Variants in ADAMTS2 observed in about 807,000 individuals in gnomAD.
ADAMTS2 encodes ADAM metallopeptidase with thrombospondin type 1 motif 2.
A neutral mutation model predicts 123.0 loss-of-function variants in ADAMTS2; 50 were observed. That is an observed-to-expected ratio of 0.41 (90% CI 0.32 to 0.51). The LOEUF is 0.51. Among genes scored for constraint, ADAMTS2 ranks in the 20% least tolerant of loss-of-function variants. ADAMTS2 has a pLI of 0.35. For missense variants in ADAMTS2, 1,494 were observed against 1,705.2 expected (o/e 0.88, Z 2.18); for synonymous variants, 678 against 695.4 (o/e 0.98, Z 0.39).
At chr5:179,213,242 T>C (rs1764902501) in intron 3 of ADAMTS2, among the ~76,000 whole-genome samples, 1 of 152,186 alleles carries the variant, frequency 6.6e-6, no homozygotes, top group Non-Finnish European at 1.5e-5. Context: ...GGGAGAACTT[T>C]CCTTATTTCA....
intron 2 of ADAMTS2, among the ~76,000 whole-genome samples, chr5:179,322,797 C>T (rs1009807445): frequency 2.0e-5 from 3 of 152,376 alleles, no homozygotes; most frequent in South Asian, 2.1e-4. Context: ...GCGGCTCCCT[C>T]ACTCGGGGCC....
Position 179,273,072 on chromosome 5 carries a change from A to G in ADAMTS2, c.535-8T>C, listed in dbSNP as rs1766591108. 6.2e-7 allele frequency: 1 copy of G among 1,613,520 alleles called. No individual in the cohort carries two copies. Among genetic ancestry groups the G allele is most frequent in the South Asian group, 1.1e-5 (1 of 91,080 alleles). On this transcript the variant is annotated splice_polypyrimidine_tract_variant and splice_region_variant and intron_variant, in intron 2 of 21. Coordinates refer to ENST00000251582, the MANE Select transcript of ADAMTS2 (RefSeq NM_014244.5). ...CATCCGGATCAGACCAGCCTGCGGG[A>G]CAAAGACAACAGGATCAGATTTCCA...
At chr5:179,121,578 G>C in intron 21 of ADAMTS2, 83 bp downstream of exon 21, 1 of 1,164,816 alleles carries the variant, frequency 8.6e-7, no homozygotes, top group Non-Finnish European at 1.2e-6. Context: ...CATAGACAGA[G>C]AGGAGGGGGG....
Position 179,228,830 on chromosome 5 carries a change from C to CGGT in ADAMTS2, c.689-21118_689-21116dup, listed in dbSNP as rs796165020. ...TCCACAACTCTGGAGCTAGGAAGCC[C>CGGT]GGTGCTCCTTCCCAGAGGAGGGAGC... is the stretch of plus-strand genomic sequence containing the variant. On this transcript the variant is annotated intron_variant, in intron 3 of 21. Coordinates refer to ENST00000251582, the MANE Select transcript of ADAMTS2 (RefSeq NM_014244.5). The surrounding 1 kb of genome is among the most constrained non-coding windows in gnomAD (Gnocchi z 5.2). 4.6e-5 allele frequency among the ~76,000 whole-genome samples: 7 copies of CGGT among 152,344 alleles called. No homozygotes were observed. The highest frequency in any genetic ancestry group is 1.7e-4 in the African/African-American group (7 of 41,576).
intron 2 of ADAMTS2, among the ~76,000 whole-genome samples, chr5:179,330,819 A>G (rs997682479): frequency 4.8e-5 from 7 of 146,096 alleles, no homozygotes; most frequent in Admixed American, 6.7e-5. Flanking sequence ...AAGCCGCCCT[A>G]TCTGAGGTGG....
intron 2 of ADAMTS2, among the ~76,000 whole-genome samples, chr5:179,301,779 G>A (rs1756525241): frequency 6.6e-6 from 1 of 152,282 alleles, no homozygotes. Flanking sequence ...AATGAGGGCA[G>A]GACCCCTGCA....
intron 4 of ADAMTS2, among the ~76,000 whole-genome samples, chr5:179,184,825 G>A (rs1283161044): frequency 6.6e-6 from 1 of 151,856 alleles, no homozygotes; most frequent in Non-Finnish European, 1.5e-5. Flanking sequence ...ATCAGAGCCA[G>A]CCCTCCTGCC....
chr5:179,251,650 A>T (rs978134807), intron 3 of ADAMTS2, among the ~76,000 whole-genome samples: 1 of 152,210 alleles, frequency 6.6e-6, no homozygotes, highest in Non-Finnish European at 1.5e-5. Context: ...AAAGTGAAAC[A>T]CTGTGTTATC....
At chr5:179,223,715 C>T (rs768337878) in intron 3 of ADAMTS2, among the ~76,000 whole-genome samples, 28 of 152,252 alleles carry the variant, frequency 1.8e-4, no homozygotes, top group Admixed American at 1.6e-3. Context: ...TGCACACAAA[C>T]GCACATGCAT....
At chr5:179,209,067 AG>A (rs1233172408) in intron 3 of ADAMTS2, among the ~76,000 whole-genome samples, 1 of 152,176 alleles carries the variant, frequency 6.6e-6, no homozygotes, top group Non-Finnish European at 1.5e-5. Flanking sequence ...AGGGTGGCCC[AG>A]GACAGGCCCT....
chr5:179,112,454 C>G lies in ADAMTS2; in HGVS notation c.*1413G>C, dbSNP rs1372222684. 1 of 152,208 alleles carries G rather than the reference C, an allele frequency of 6.6e-6. No homozygotes were observed. The highest frequency in any genetic ancestry group is 2.4e-5 in the African/African-American group (1 of 41,452). 9.4% of individuals were successfully genotyped at this position (152,208 alleles called of 1,614,324 possible). Reference sequence around the variant, plus strand: ...CCCCCTTCCTCCTATTTCTCTCTTACTCGCATGTTGCTCACAAAGCACCAT... The same window carrying G: ...CCCCCTTCCTCCTATTTCTCTCTTAGTCGCATGTTGCTCACAAAGCACCAT... On this transcript the variant is annotated 3_prime_UTR_variant, in exon 22 of 22. Coordinates refer to ENST00000251582, the MANE Select transcript of ADAMTS2 (RefSeq NM_014244.5).
chr5:179,344,762 CGG>C (rs1232349985), intron 1 of ADAMTS2, among the ~76,000 whole-genome samples: 1 of 152,220 alleles, frequency 6.6e-6, no homozygotes, highest in African/African-American at 2.4e-5. Context: ...CTCCGATCTC[CGG>C]GGATTCCCTG....
At position 179,197,677 on chromosome 5, in the gene ADAMTS2, A is replaced by G. The variant is rs1764456869; in HGVS notation, c.891+9836T>C. ...AGCTATGATTGCAGCACTACGCTCC[A>G]GCCTGGGTGACTGAGTGAGACCCTG... On this transcript the variant is annotated intron_variant, in intron 4 of 21. Transcript: ENST00000251582. This position sits in a 1 kb window ranked among gnomAD's most constrained non-coding sequence, Gnocchi z 4.2. Among the ~76,000 whole-genome samples the G allele has an allele frequency of 6.6e-6, 1 of 152,192 alleles. No individual in the cohort carries two copies. The highest frequency in any genetic ancestry group is 2.1e-4 in the South Asian group (1 of 4,816).
chr5:179,163,262 T>C (rs993317108), intron 5 of ADAMTS2, among the ~76,000 whole-genome samples: 1 of 152,208 alleles, frequency 6.6e-6, no homozygotes, highest in African/African-American at 2.4e-5. Context: ...GTCCATCTTG[T>C]GTTTTCCCAG....
Position 179,303,559 on chromosome 5 carries a change from G to A in ADAMTS2, c.535-30495C>T, listed in dbSNP as rs951154046. Among the ~76,000 whole-genome samples the A allele has an allele frequency of 4.6e-5, 7 of 152,364 alleles. No homozygotes were observed. Among genetic ancestry groups the A allele is most frequent in the South Asian group, 2.1e-4 (1 of 4,826 alleles). On this transcript the variant is annotated intron_variant, in intron 2 of 21. Coordinates refer to ENST00000251582, the MANE Select transcript of ADAMTS2 (RefSeq NM_014244.5). The surrounding 1 kb of genome is among the most constrained non-coding windows in gnomAD (Gnocchi z 4.7). ...CACTGGGTACAGACAGACAGAGCTC[G>A]AGACAAGCCCTGTTGTTGTAGCTCA...
chr5:179,276,303 C>T (rs919060529), intron 2 of ADAMTS2, among the ~76,000 whole-genome samples: 1 of 152,148 alleles, frequency 6.6e-6, no homozygotes, highest in African/African-American at 2.4e-5. Context: ...CACTGATGGT[C>T]CCGGTGCGTG....
intron 2 of ADAMTS2, 102 bp downstream of exon 2, chr5:179,343,665 C>T: frequency 6.8e-7 from 1 of 1,475,700 alleles, no homozygotes; most frequent in Non-Finnish European, 9.1e-7. Context: ...GCGGAAAGTC[C>T]TCAGCGCAGG....
chr5:179,149,257 C>T (rs1021423504), intron 10 of ADAMTS2, among the ~76,000 whole-genome samples: 1 of 152,158 alleles, frequency 6.6e-6, no homozygotes, highest in Non-Finnish European at 1.5e-5. Context: ...GAGAGATGCC[C>T]TCTCTCCCTG....
chr5:179,176,120 G>A (rs968102680), intron 5 of ADAMTS2, among the ~76,000 whole-genome samples: 5 of 152,294 alleles, frequency 3.3e-5, no homozygotes, highest in East Asian at 1.9e-4. Flanking sequence ...AATTCGCTGT[G>A]CAGAACACTT....
Sources: allele counts gnomAD v4.1 joint callset (sites outside exome capture counted in the v4.1 genomes callset), GRCh38; gene constraint gnomAD v4.1.1; non-coding constraint Gnocchi (gnomAD v3.1); transcripts MANE v1.5; gene names NCBI Gene and HGNC (gene_info 2026-07-23, HGNC 2026-07-21).